The following KCNT1 variants were observed in gnomAD, a reference collection of about 807,000 sequenced individuals.
KCNT1 encodes the protein potassium channel subfamily T member 1.
A neutral mutation model predicts 147.8 loss-of-function variants in KCNT1; 78 were observed. That is an observed-to-expected ratio of 0.53 (90% CI 0.44 to 0.64). KCNT1 has a LOEUF of 0.64. Ranked by LOEUF, KCNT1 falls within the 30% of genes least tolerant of loss-of-function variation. The pLI, the probability that KCNT1 is intolerant of heterozygous loss-of-function variation, is 0.00. For synonymous variants in KCNT1, 867 were observed against 748.8 expected, an observed-to-expected ratio of 1.16 and a Z score of -2.58; for missense variants, 1,419 against 1,750.3, an observed-to-expected ratio of 0.81 and a Z score of 3.38.
rs370998066 is a variant in KCNT1, at chr9:135,714,697, C to T, written c.231C>T (p.Asp77=). ...RYRFRDLLLG[D]PSFQNDDRVQ... is the part of the protein sequence containing the mutation. ...GCTTCCGGGACCTGCTGCTGGGCGA[C>T]CCGTCCTTCCAGAACGACGACAGGT... Residue 77 remains aspartate (D), a synonymous_variant, in exon 2 of 31, where the codon GAC becomes GAT. Transcript: ENST00000371757. This position sits in a 1 kb window ranked among gnomAD's most constrained non-coding sequence, Gnocchi z 6.2. 5.0e-5 allele frequency: 73 copies of T among 1,452,712 alleles called. No individual in the cohort carries two copies. The highest frequency in any genetic ancestry group is 6.2e-5 in the Non-Finnish European group (68 of 1,090,070). 90.0% of individuals were successfully genotyped at this position (1,452,712 alleles called of 1,614,324 possible).
chr9:135,758,335 T>C (rs1831657524), intron 9 of KCNT1, 79 bp from the exon 10 acceptor site: 1 of 1,097,834 alleles, frequency 9.1e-7, no homozygotes, highest in Non-Finnish European at 1.4e-6. Flanking sequence ...TGCTTTCCAC[T>C]GTCCTTCTAG....
chr9:135,733,596 G>A (rs1173054912), intron 2 of KCNT1, among the ~76,000 whole-genome samples: 5 of 50,552 alleles, frequency 9.9e-5, no homozygotes, highest in Non-Finnish European at 1.5e-4. Flanking sequence ...ACCTGCCTTT[G>A]CACCTGCCCC....
chr9:135,755,006 G>A (rs1831390442), intron 5 of KCNT1, 115 bp from the exon 6 acceptor site: 3 of 891,484 alleles, frequency 3.4e-6, no homozygotes, highest in Admixed American at 6.2e-5. Flanking sequence ...CAGCCCCAAT[G>A]AGCAGCACAT....
In KCNT1 at chr9:135,702,280, C is replaced by T. The variant is rs747457929; in HGVS notation, c.22C>T (p.Arg8Trp). ...CCGCATGCCACTCCCTGACGGGGCG[C>T]GGACCCCGGGGGGCGTCTGCCGGGA... Reference protein sequence around the residue: MPLPDGARTPGGVCREAR... With the variant: MPLPDGAWTPGGVCREAR... Residue 8 changes from arginine (R) to tryptophan (W), a missense_variant, in exon 1 of 31, where the codon CGG becomes TGG. Arg to Trp is a moderately radical substitution (Grantham distance 101, BLOSUM62 -3). This residue lies in a region of KCNT1 where 181 missense variants were observed against 155.7 expected (regional missense o/e 1.16). Transcript: ENST00000371757. 6 of 1,608,740 alleles carry T rather than the reference C, an allele frequency of 3.7e-6. No individual in the cohort carries two copies. The highest frequency in any genetic ancestry group is 1.7e-5 in the Admixed American group (1 of 59,816).
intron 2 of KCNT1, among the ~76,000 whole-genome samples, chr9:135,747,515 A>G (rs1390342824): frequency 6.6e-6 from 1 of 152,080 alleles, no homozygotes; most frequent in Admixed American, 6.5e-5. Flanking sequence ...GGCCCAGCGC[A>G]GCCTGGACCT....
intron 28 of KCNT1, 55 bp from the exon 29 acceptor site, chr9:135,786,142 C>G: frequency 6.6e-7 from 1 of 1,520,268 alleles, no homozygotes. Context: ...CCAAAGCCCG[C>G]GACCCTCCCG....
rs1397994790 is a variant in KCNT1 at position 135,733,067 on chromosome 9, C to T, written c.255-17031C>T. Among the ~76,000 whole-genome samples the T allele has an allele frequency of 3.9e-5, 6 of 152,160 alleles. No individual in the cohort carries two copies. The East Asian group carries it at 5.8e-4, about 15-fold the overall frequency. On this transcript the variant is annotated intron_variant, in intron 2 of 30. Transcript: ENST00000371757. ...GTACCTCCTCTGTGACTCCCCTGGA[C>T]ACCCTCCAGGAGGTCTGTGATGCTG...
At chr9:135,778,618 C>A in intron 22 of KCNT1, 70 bp from the exon 23 acceptor site, 1 of 1,606,396 alleles carries the variant, frequency 6.2e-7, no homozygotes, top group Non-Finnish European at 8.5e-7. Context: ...GCCTTCTGAC[C>A]AAATCCCGGG....
At chr9:135,721,891 G>A (rs528332459) in intron 2 of KCNT1, among the ~76,000 whole-genome samples, 1 of 152,334 alleles carries the variant, frequency 6.6e-6, no homozygotes, top group African/African-American at 2.4e-5. Flanking sequence ...GAGTCAGGGT[G>A]GGGGAAGGTG....
At chr9:135,767,977 A>G (rs1832404404) in intron 13 of KCNT1, among the ~76,000 whole-genome samples, 2 of 150,938 alleles carry the variant, frequency 1.3e-5, no homozygotes, top group Admixed American at 6.6e-5. Context: ...ACCCGCTGTC[A>G]GCCTGCACAC....
intron 2 of KCNT1, among the ~76,000 whole-genome samples, chr9:135,719,818 G>A (rs1309135321): frequency 6.6e-6 from 1 of 152,218 alleles, no homozygotes; most frequent in African/African-American, 2.4e-5. Flanking sequence ...CACCTGGGAA[G>A]GGAGTGGCCG....
chr9:135,764,871 G>T lies in KCNT1; in HGVS notation c.1036-160G>T, dbSNP rs112178019. The stretch of plus-strand genomic sequence containing the variant: ...TCATCTGAGGCTATCAGCATCTACA[G>T]TTTCCATGTGGGAAAGGCCCCCCTA... On this transcript the variant is annotated intron_variant, in intron 11 of 30. Coordinates refer to ENST00000371757, the MANE Select transcript of KCNT1 (RefSeq NM_020822.3). Among the ~76,000 whole-genome samples, 3,762 of 152,190 alleles carry T rather than the reference G, an allele frequency of 0.025. 65 individuals are homozygous for T. Among genetic ancestry groups the T allele is most frequent in the Middle Eastern group, 0.11 (33 of 294 alleles).
At chr9:135,760,372 T>C (rs1169440113) in intron 11 of KCNT1, among the ~76,000 whole-genome samples, 1 of 152,094 alleles carries the variant, frequency 6.6e-6, no homozygotes, top group African/African-American at 2.4e-5. Flanking sequence ...CCTCAGGGTG[T>C]GAAGTGCTTG....
chr9:135,793,054 C>T lies in KCNT1; in HGVS notation c.*893C>T, dbSNP rs1834658779. 6.6e-6 allele frequency: 1 copy of T among 152,218 alleles called. No individual in the cohort carries two copies. The highest frequency in any genetic ancestry group is 2.1e-4 in the South Asian group (1 of 4,828). 9.4% of individuals were successfully genotyped at this position (152,218 alleles called of 1,614,324 possible). A position where few individuals can be genotyped will look rare whatever the true frequency, so the allele number is the denominator to read the frequency against. ...GGGCGGCGGCTGACATCAGGAGCGC[C>T]ACCCTGCGTCCTTTGCTGCTGGTTC... On this transcript the variant is annotated 3_prime_UTR_variant, in exon 31 of 31. Coordinates refer to ENST00000371757, the MANE Select transcript of KCNT1 (RefSeq NM_020822.3).
rs572076994 is a variant in KCNT1, at chr9:135,791,766, G to A, written c.3503-31G>A. 2.3e-5 allele frequency: 36 copies of A among 1,597,886 alleles called. No individual in the cohort carries two copies. The Admixed American group carries it at 3.5e-4, about 16-fold the overall frequency. On this transcript the variant is annotated intron_variant, in intron 29 of 30. Transcript: ENST00000371757. ...GAGCTGGGAGGGGCAGGGCTGGGGG[G>A]GTGACGTCTGCCCGGCTGTGTCCTT...
At chr9:135,732,585 C>T (rs1830143900) in intron 2 of KCNT1, among the ~76,000 whole-genome samples, 1 of 152,142 alleles carries the variant, frequency 6.6e-6, no homozygotes. Context: ...CCCTCTGCCA[C>T]TGGCTGCTGA....
intron 22 of KCNT1, 34 bp downstream of exon 22, chr9:135,778,529 C>T: frequency 1.2e-6 from 2 of 1,600,894 alleles, no homozygotes; most frequent in Non-Finnish European, 8.5e-7. Flanking sequence ...CGTGGGGGCT[C>T]CACACCCACC....
At chr9:135,725,772 A>T (rs776351485) in intron 2 of KCNT1, among the ~76,000 whole-genome samples, 3 of 152,208 alleles carry the variant, frequency 2.0e-5, no homozygotes, top group Non-Finnish European at 4.4e-5. Context: ...GTCCAGGCGG[A>T]CAGAGTCTGT....
rs1832178388 is a variant in KCNT1, at chr9:135,765,213, G to A, written c.1200+18G>A. On this transcript the variant is annotated intron_variant, in intron 12 of 30. Coordinates refer to ENST00000371757, the MANE Select transcript of KCNT1 (RefSeq NM_020822.3). ...GGCTCCAGGTGAGGCCCCTTACCGT[G>A]GCCCAGCAGACGACTCCCTCCCGGC... is the stretch of plus-strand genomic sequence containing the variant. 1.2e-6 allele frequency: 2 copies of A among 1,602,632 alleles called. No homozygotes were observed. Among genetic ancestry groups the A allele is most frequent in the East Asian group, 4.5e-5 (2 of 44,562 alleles).
Sources: allele counts gnomAD v4.1 joint callset (sites outside exome capture counted in the v4.1 genomes callset), GRCh38; gene constraint gnomAD v4.1.1; regional missense constraint gnomAD v4.1.1; non-coding constraint Gnocchi (gnomAD v3.1); transcripts MANE v1.5; gene names NCBI Gene and HGNC (gene_info 2026-07-23, HGNC 2026-07-21).